Variants in KIFC3 observed in about 807,000 individuals in gnomAD.
KIFC3 encodes the protein kinesin-like protein KIFC3.
In KIFC3, 60 loss-of-function variants were observed where a neutral mutation model predicts 101.8. The observed-to-expected ratio is 0.59, with a 90% CI of 0.48 to 0.73. The LOEUF (loss-of-function observed/expected upper bound fraction) is 0.73. Among genes scored for constraint, KIFC3 ranks in the 30% least tolerant of loss-of-function variants. KIFC3 has a pLI of 0.00. For missense variants in KIFC3, 966 were observed against 1,137.1 expected (o/e 0.85, Z 2.16); for synonymous variants, 476 against 482.7 (o/e 0.99, Z 0.18).
At chr16:57,762,877 C>T (rs564550501) in intron 12 of KIFC3, among the ~76,000 whole-genome samples, 3 of 152,318 alleles carry the variant, frequency 2.0e-5, no homozygotes, top group Non-Finnish European at 4.4e-5. Flanking sequence ...GTGCCCCTGG[C>T]ATGCTCTGGC....
chr16:57,808,890 C>A (rs1555627412), intron 1 of KIFC3, among the ~76,000 whole-genome samples: 1 of 152,170 alleles, frequency 6.6e-6, no homozygotes, highest in Admixed American at 6.5e-5. Context: ...CACATAGCAC[C>A]CTCAGCCCAG....
rs1555592093 is a variant in KIFC3, at chr16:57,758,874, G to A, written c.*60C>T. On this transcript the variant is annotated 3_prime_UTR_variant, in exon 20 of 20. Transcript: ENST00000445690. Reference sequence around the variant, plus strand: ...AGGGCCCAGCTTCAGGCCCAGCGGGGTCACATCCGTCACACAGGCAGTGGC... The same window carrying A: ...AGGGCCCAGCTTCAGGCCCAGCGGGATCACATCCGTCACACAGGCAGTGGC... 1.3e-6 allele frequency: 2 copies of A among 1,599,954 alleles called. No homozygotes were observed. Among genetic ancestry groups the A allele is most frequent in the Non-Finnish European group, 1.7e-6 (2 of 1,172,434 alleles).
chr16:57,781,452 G>A (rs1283904258), intron 3 of KIFC3, among the ~76,000 whole-genome samples: 2 of 152,140 alleles, frequency 1.3e-5, no homozygotes, highest in South Asian at 4.1e-4. Flanking sequence ...GCCTGGGACT[G>A]TTGTTAACAA....
At chr16:57,760,245 A>C (rs1555594720) in intron 17 of KIFC3, 37 bp downstream of exon 17, 1 of 1,591,672 alleles carries the variant, frequency 6.3e-7, no homozygotes, top group Non-Finnish European at 8.6e-7. Context: ...TCTCTGACCC[A>C]GGGCCACCTG....
intron 1 of KIFC3, chr16:57,816,635 C>A (rs2055231666): frequency 2.2e-6 from 1 of 456,586 alleles, no homozygotes; most frequent in African/African-American, 2.0e-5. Flanking sequence ...AGAAACCAGC[C>A]CTGGGCAGCT....
chr16:57,812,770 A>T (rs1411369345), intron 1 of KIFC3, among the ~76,000 whole-genome samples: 2 of 152,236 alleles, frequency 1.3e-5, no homozygotes, highest in Non-Finnish European at 2.9e-5. Context: ...GGGCGCTCTC[A>T]GTTGCCTGGA....
chr16:57,784,625 C>T (rs1370757775), intron 3 of KIFC3, among the ~76,000 whole-genome samples: 1 of 152,062 alleles, frequency 6.6e-6, no homozygotes, highest in Non-Finnish European at 1.5e-5. Flanking sequence ...AGTGCTGGGC[C>T]CAGAGCTCAG....
chr16:57,769,785 CAG>C lies in KIFC3; in HGVS notation c.1087+21_1087+22del, dbSNP rs782774621. The stretch of plus-strand genomic sequence containing the variant: ...ATGAGGGGCCGCGGCGTGGGGCAGA[CAG>C]GGCCCAGCTGGTCAGCTCACCTGCT... On this transcript the variant is annotated intron_variant, in intron 8 of 19. Transcript: ENST00000445690. This position sits in a 1 kb window ranked among gnomAD's most constrained non-coding sequence, Gnocchi z 4.3. The C allele has an allele frequency of 1.2e-6, 2 of 1,612,862 alleles. No homozygotes were observed. Among genetic ancestry groups the C allele is most frequent in the African/African-American group, 1.3e-5 (1 of 74,912 alleles).
At chr16:57,773,392 G>A (rs1433108938) in intron 3 of KIFC3, among the ~76,000 whole-genome samples, 5 of 152,170 alleles carry the variant, frequency 3.3e-5, no homozygotes, top group South Asian at 2.1e-4. Context: ...CTCCTCGGAC[G>A]ACAGGAGGTG....
intron 10 of KIFC3, 94 bp downstream of exon 10, chr16:57,766,780 A>C: frequency 2.6e-6 from 2 of 765,108 alleles, no homozygotes; most frequent in Non-Finnish European, 4.4e-6. Context: ...GGATTAGAAT[A>C]GTGCCTCAAT....
chr16:57,772,049 C>T (rs2051304330), intron 4 of KIFC3, among the ~76,000 whole-genome samples, 174 bp downstream of exon 4: 1 of 152,038 alleles, frequency 6.6e-6, no homozygotes, highest in African/African-American at 2.4e-5. Flanking sequence ...CCCCTGGAGC[C>T]ACAAGGCCTC....
At position 57,770,690 on chromosome 16, in the gene KIFC3, T is replaced by C. The variant is rs1555607382; in HGVS notation, c.776A>G (p.Lys259Arg). The C allele has an allele frequency of 6.6e-7, 1 of 1,506,812 alleles. No homozygotes were observed. Among genetic ancestry groups the C allele is most frequent in the Non-Finnish European group, 8.9e-7 (1 of 1,123,652 alleles). The allele number at this position is 1,506,812 out of a possible 1,614,324, so 93.3% of individuals were successfully genotyped here. ...CTTGGACGACTCCACCTCCACTGTC[T>C]TGATGACATACTGCAGGGTGAGGGA... is the stretch of plus-strand genomic sequence containing the variant. Reference protein sequence around the residue: ...AQSPPVKYVIKTVEVESSKTK... With the variant: ...AQSPPVKYVIRTVEVESSKTK... Residue 259 changes from lysine (K) to arginine (R), a missense_variant, in exon 7 of 20, where the codon AAG (lysine) becomes AGG (arginine). Coordinates refer to ENST00000445690, the MANE Select transcript of KIFC3 (RefSeq NM_001130100.2).
chr16:57,807,773 C>T (rs2054968842), upstream of KIFC3: 1 of 151,830 alleles, frequency 6.6e-6, no homozygotes, highest in African/African-American at 2.4e-5. Context: ...CCTGTCTCTA[C>T]AAAACAACAA....
rs954920471 is a variant in KIFC3 at position 57,808,306 on chromosome 16, G to C, written c.109-10024C>G. 5.3e-5 allele frequency among the ~76,000 whole-genome samples: 8 copies of C among 152,208 alleles called. No individual in the cohort carries two copies. In the South Asian group the frequency reaches 1.2e-3, roughly 24 times the overall value. ...AATAACCGCCCTGAGAGTAGCACGG[G>C]CCAAATAAGCCCCGCCCCCGGCCCG... On this transcript the variant is annotated intron_variant, in intron 1 of 2. Transcript: ENST00000563028.
At chr16:57,799,315 T>C (rs1159804846) in intron 1 of KIFC3, among the ~76,000 whole-genome samples, 1 of 152,156 alleles carries the variant, frequency 6.6e-6, no homozygotes, top group Non-Finnish European at 1.5e-5. Context: ...CGAAGTCAGC[T>C]TGGAGAGGCA....
chr16:57,835,990 G>C (rs999801709), intron 1 of KIFC3, among the ~76,000 whole-genome samples: 2 of 152,048 alleles, frequency 1.3e-5, no homozygotes, highest in Admixed American at 1.3e-4. Flanking sequence ...CAGCCTGGGC[G>C]CCTCTCTCCA....
At position 57,761,496 on chromosome 16, in the gene KIFC3, G is replaced by T. The variant is rs1555597630; in HGVS notation, c.1789C>A (p.Arg597=). The part of the protein sequence containing the change: ...GKEPQEKLEI[R]LCPDGSGQLY... Reference sequence around the variant, plus strand: ...TGCCCACTGCCGTCTGGGCACAGCCGGATCTCCAGTTTTTCCTGAGGCTCT... The same window carrying T: ...TGCCCACTGCCGTCTGGGCACAGCCTGATCTCCAGTTTTTCCTGAGGCTCT... Residue 597 remains arginine, a synonymous_variant, in exon 14 of 20, where the codon CGG becomes AGG. Transcript: ENST00000445690. 2 of 1,613,710 alleles carry T rather than the reference G, an allele frequency of 1.2e-6. No individual in the cohort carries two copies. Among genetic ancestry groups the T allele is most frequent in the Admixed American group, 1.7e-5 (1 of 59,994 alleles).
chr16:57,812,613 T>C (rs147044511), intron 1 of KIFC3, among the ~76,000 whole-genome samples: 1 of 151,954 alleles, frequency 6.6e-6, no homozygotes, highest in African/African-American at 2.4e-5. Context: ...TGTGTGGACC[T>C]GAAGGAATGT....
intron 3 of KIFC3, chr16:57,788,443 G>A: frequency 1.3e-6 from 1 of 744,956 alleles, no homozygotes; most frequent in East Asian, 6.6e-5. Context: ...TGCGGATCAG[G>A]CAGCTGGAGT....
Sources: allele counts gnomAD v4.1 joint callset (sites outside exome capture counted in the v4.1 genomes callset), GRCh38; gene constraint gnomAD v4.1.1; non-coding constraint Gnocchi (gnomAD v3.1); transcripts MANE v1.5; gene names NCBI Gene and HGNC (gene_info 2026-07-23, HGNC 2026-07-21).